The following GABRG3 variants were observed in gnomAD, a reference collection of about 807,000 sequenced individuals.
GABRG3 encodes gamma-aminobutyric acid receptor subunit gamma-3.
In GABRG3, 25 loss-of-function variants were observed where a neutral mutation model predicts 48.8. The ratio of observed to expected loss-of-function variants is 0.51; its 90% confidence interval spans 0.37 to 0.72. The LOEUF (loss-of-function observed/expected upper bound fraction) is 0.72. Ranked by LOEUF, GABRG3 falls within the 30% of genes least tolerant of loss-of-function variation. The pLI is 0.00. For missense variants in GABRG3, 394 were observed against 577.9 expected, an observed-to-expected ratio of 0.68 and a Z score of 3.26; for synonymous variants, 227 against 217.6, an observed-to-expected ratio of 1.04 and a Z score of -0.38.
intron 3 of GABRG3, among the ~76,000 whole-genome samples, chr15:27,048,266 G>A (rs140618454): frequency 6.6e-6 from 1 of 152,198 alleles, no homozygotes; most frequent in Non-Finnish European, 1.5e-5. Flanking sequence ...CCTCAGAGGT[G>A]CCACTGACAT....
At chr15:27,279,811 T>C (rs561151807) in intron 3 of GABRG3, among the ~76,000 whole-genome samples, 38 of 152,314 alleles carry the variant, frequency 2.5e-4, no homozygotes, top group African/African-American at 8.7e-4. Context: ...TGGGTAGATA[T>C]TATATTAAAC....
At chr15:27,210,668 A>G (rs1471688113) in intron 3 of GABRG3, among the ~76,000 whole-genome samples, 1 of 152,156 alleles carries the variant, frequency 6.6e-6, no homozygotes, top group African/African-American at 2.4e-5. Context: ...GTTTATGTTG[A>G]ATGTTTAAAC....
At chr15:27,442,189 T>G (rs950603858) in intron 5 of GABRG3, among the ~76,000 whole-genome samples, 1 of 152,130 alleles carries the variant, frequency 6.6e-6, no homozygotes, top group Non-Finnish European at 1.5e-5. Flanking sequence ...GCACAGGTGA[T>G]GCACCAAGCC....
intron 3 of GABRG3, among the ~76,000 whole-genome samples, chr15:27,125,996 A>G (rs1354987930): frequency 1.3e-5 from 2 of 152,252 alleles, no homozygotes; most frequent in African/African-American, 2.4e-5. Flanking sequence ...TGCCTTATGC[A>G]TGCAACTCAG....
rs956021926 is a variant in GABRG3, at chr15:27,457,843, G to C, written c.575-22807G>C. Among the ~76,000 whole-genome samples, 2 of 152,180 alleles carry C rather than the reference G, an allele frequency of 1.3e-5. No homozygotes were observed. Among genetic ancestry groups the C allele is most frequent in the Non-Finnish European group, 2.9e-5 (2 of 68,026 alleles). On this transcript the variant is annotated intron_variant, in intron 5 of 9. Transcript: ENST00000615808. The surrounding 1 kb of genome is among the most constrained non-coding windows in gnomAD (Gnocchi z 4.4). ...GCACCTGTGCAGTGACTCCCACTCA[G>C]GGAAACCATCAGCTTTCAATTGGAG...
intron 3 of GABRG3, among the ~76,000 whole-genome samples, chr15:27,169,441 C>T (rs559044159): frequency 6.6e-6 from 1 of 152,156 alleles, no homozygotes; most frequent in South Asian, 2.1e-4. Context: ...GGACGAGAAG[C>T]ATGTTGGTAG....
rs1887865182 is a variant in GABRG3, at chr15:27,179,732, T to C, written c.271-147077T>C. 6.6e-6 allele frequency among the ~76,000 whole-genome samples: 1 copy of C among 152,212 alleles called. No homozygotes were observed. The highest frequency in any genetic ancestry group is 2.4e-5 in the African/African-American group (1 of 41,450). The stretch of plus-strand genomic sequence containing the variant: ...TTGTTGCCATCTGTTCTGTGTCTTT[T>C]CATGGTGTGAATTTTGAATGCTGTG... On this transcript the variant is annotated intron_variant, in intron 3 of 9. Coordinates refer to ENST00000615808, the MANE Select transcript of GABRG3 (RefSeq NM_033223.5). This position sits in a 1 kb window ranked among gnomAD's most constrained non-coding sequence, Gnocchi z 4.0.
At chr15:27,052,553 C>T (rs532791928) in intron 3 of GABRG3, among the ~76,000 whole-genome samples, 69 of 152,244 alleles carry the variant, frequency 4.5e-4, no homozygotes, top group African/African-American at 1.6e-3. Context: ...GATGGCAGGC[C>T]ACTTCCCTCC....
At chr15:27,271,693 T>C in intron 3 of GABRG3, 2 of 450,252 alleles carry the variant, frequency 4.4e-6, no homozygotes, top group South Asian at 3.1e-5. Flanking sequence ...AGGTGTGTGG[T>C]GGCTGGCACA....
intron 3 of GABRG3, among the ~76,000 whole-genome samples, chr15:27,102,504 A>G (rs1341170467): frequency 6.6e-6 from 1 of 152,220 alleles, no homozygotes; most frequent in East Asian, 1.9e-4. Flanking sequence ...ATGCTTGGTG[A>G]CAACTCTGTG....
At chr15:27,430,907 T>C (rs1888428544) in intron 5 of GABRG3, among the ~76,000 whole-genome samples, 1 of 151,888 alleles carries the variant, frequency 6.6e-6, no homozygotes, top group African/African-American at 2.4e-5. Flanking sequence ...GGAAGATCAT[T>C]TGAACCCAAG....
At chr15:27,262,930 A>G (rs937541014) in intron 3 of GABRG3, among the ~76,000 whole-genome samples, 1 of 152,228 alleles carries the variant, frequency 6.6e-6, no homozygotes. Flanking sequence ...AGAGAAACAC[A>G]TATTTTCTCC....
At chr15:27,200,473 G>A (rs1037637519) in intron 3 of GABRG3, among the ~76,000 whole-genome samples, 2 of 152,082 alleles carry the variant, frequency 1.3e-5, no homozygotes, top group African/African-American at 2.4e-5. Flanking sequence ...TGTTCCTTCC[G>A]TGTGTTAGGT....
chr15:27,290,996 TAAA>T (rs1160081915), intron 3 of GABRG3, among the ~76,000 whole-genome samples: 1 of 152,170 alleles, frequency 6.6e-6, no homozygotes, highest in African/African-American at 2.4e-5. Context: ...ATTAAGAAAA[TAAA>T]TAATAAGTCA....
rs77286478 is a variant in GABRG3 at position 27,275,245 on chromosome 15, A to G, written c.271-51564A>G. ...CATTTTAAAAGTCCCCAGGTTGTCAAGTAACCTTGAGCTTTTGGTGAATAC... is the reference window on the plus strand; with the variant it reads ...CATTTTAAAAGTCCCCAGGTTGTCAGGTAACCTTGAGCTTTTGGTGAATAC... On this transcript the variant is annotated intron_variant, in intron 3 of 9. Coordinates refer to ENST00000615808, the MANE Select transcript of GABRG3 (RefSeq NM_033223.5). Among the ~76,000 whole-genome samples the G allele has an allele frequency of 3.3e-5, 5 of 152,354 alleles. No homozygotes were observed. The East Asian group carries it at 9.6e-4, about 29-fold the overall frequency.
At chr15:27,201,403 A>G (rs1283609600) in intron 3 of GABRG3, among the ~76,000 whole-genome samples, 1 of 151,456 alleles carries the variant, frequency 6.6e-6, no homozygotes, top group Non-Finnish European at 1.5e-5. Flanking sequence ...CCACAGAGAG[A>G]GAGAGAAGAG....
intron 3 of GABRG3, among the ~76,000 whole-genome samples, chr15:27,266,989 T>C (rs1332155827): frequency 6.6e-6 from 1 of 152,188 alleles, no homozygotes. Flanking sequence ...TATTTCTTTA[T>C]TTTTTCATGT....
chr15:27,140,478 T>G (rs1252526893), intron 3 of GABRG3, among the ~76,000 whole-genome samples: 1 of 152,220 alleles, frequency 6.6e-6, no homozygotes, highest in Non-Finnish European at 1.5e-5. Flanking sequence ...TCTCAGTATT[T>G]AATTGATAGT....
intron 3 of GABRG3, among the ~76,000 whole-genome samples, chr15:27,150,329 T>C (rs756716268): frequency 2.0e-5 from 3 of 152,330 alleles, no homozygotes; most frequent in East Asian, 3.9e-4. Flanking sequence ...TTATTGTGCT[T>C]GTGTAATGTT....
Sources: allele counts gnomAD v4.1 joint callset (sites outside exome capture counted in the v4.1 genomes callset), GRCh38; gene constraint gnomAD v4.1.1; non-coding constraint Gnocchi (gnomAD v3.1); transcripts MANE v1.5; gene names NCBI Gene and HGNC (gene_info 2026-07-23, HGNC 2026-07-21).